The following CEP43 variants were observed in gnomAD, a reference collection of about 807,000 sequenced individuals.
CEP43 encodes the protein centrosomal protein 43, also known as FGFR1 oncogene partner.
In CEP43, 36 loss-of-function variants were observed where a neutral mutation model predicts 52.6. The ratio of observed to expected loss-of-function variants is 0.68; its 90% CI spans 0.52 to 0.90. The LOEUF (loss-of-function observed/expected upper bound fraction) is 0.90, where lower values mean the gene tolerates loss of function less well. Ranked by LOEUF, CEP43 falls within the 40% of genes least tolerant of loss-of-function variation. The pLI is 0.00. For synonymous variants in CEP43, 192 were observed against 172.4 expected, an observed-to-expected ratio of 1.11 and a Z score of -0.89; for missense variants, 506 against 472.8, an observed-to-expected ratio of 1.07 and a Z score of -0.65.
intron 7 of CEP43, among the ~76,000 whole-genome samples, chr6:167,013,789 C>T (rs1220479262): frequency 6.6e-6 from 1 of 152,182 alleles, no homozygotes; most frequent in Non-Finnish European, 1.5e-5. Context: ...TCCTGGCCAA[C>T]ATGGTGAAAC....
chr6:167,022,570 A>AGAT lies in CEP43; in HGVS notation c.745_747dup (p.Asp249dup), dbSNP rs1247301946. 1 of 1,614,056 alleles carries AGAT rather than the reference A, an allele frequency of 6.2e-7. No individual in the cohort carries two copies. Among genetic ancestry groups the AGAT allele is most frequent in the Non-Finnish European group, 8.5e-7 (1 of 1,180,022 alleles). On this transcript the variant is annotated inframe_insertion, in exon 8 of 13. Transcript: ENST00000366847. ...ACAAAGCTGGCCTTTGTCCAGATGAAGATGATATGGAAGGAGATTCTTTCT... is the reference window on the plus strand; with the variant it reads ...ACAAAGCTGGCCTTTGTCCAGATGAAGATGATGATATGGAAGGAGATTCTTTCT...
chr6:167,031,448 T>G (rs931420938), intron 10 of CEP43, among the ~76,000 whole-genome samples: 33 of 152,362 alleles, frequency 2.2e-4, no homozygotes, highest in Admixed American at 1.7e-3. Flanking sequence ...TCTTAGTCAT[T>G]GCTATACCTC....
In CEP43 at chr6:167,010,842, T is replaced by C; in HGVS notation, c.468T>C (p.Ser156=). 6.3e-7 allele frequency: 1 copy of C among 1,594,248 alleles called. No homozygotes were observed. Among genetic ancestry groups the C allele is most frequent in the Non-Finnish European group, 8.5e-7 (1 of 1,170,540 alleles). ...CACTTGATCTATCTGATGTACATTCTCCACCAAAGTCACCAGAGGGAAAAA... is the reference window on the plus strand; with the variant it reads ...CACTTGATCTATCTGATGTACATTCCCCACCAAAGTCACCAGAGGGAAAAA... The part of the protein sequence containing the change: ...EGALDLSDVH[S]PPKSPEGKTS... Residue 156 remains serine (S), a synonymous_variant, in exon 6 of 13, where the codon TCT becomes TCC. Transcript: ENST00000366847.
chr6:167,013,818 C>A (rs1172377601), intron 7 of CEP43, among the ~76,000 whole-genome samples: 1 of 152,128 alleles, frequency 6.6e-6, no homozygotes, highest in Admixed American at 6.5e-5. Context: ...TACTAAAATA[C>A]AAAAATTAGC....
At position 167,003,736 on chromosome 6, in the gene CEP43, T is replaced by G. The variant is rs1562522572; in HGVS notation, c.225T>G (p.Ala75=). The stretch of plus-strand genomic sequence containing the variant: ...TGATCTTTATAGGTCGTTTAGTGGC[T>G]AGTCTTGTTGCAGAATTTCTTCAGT... ...FLNTKDGRLV[A]SLVAEFLQFF... is the part of the protein sequence containing the mutation. The change falls in exon 4 of 13, where the codon GCT becomes GCG. Residue 75 remains alanine (A), a synonymous_variant. Coordinates refer to ENST00000366847, the MANE Select transcript of CEP43 (RefSeq NM_007045.4). The G allele has an allele frequency of 1.2e-6, 2 of 1,610,570 alleles. No homozygotes were observed. Among genetic ancestry groups the G allele is most frequent in the Non-Finnish European group, 1.7e-6 (2 of 1,177,516 alleles).
intron 11 of CEP43, 106 bp from the exon 12 acceptor site, chr6:167,033,769 A>C (rs1326599710): frequency 2.0e-6 from 1 of 510,976 alleles, no homozygotes; most frequent in Non-Finnish European, 3.4e-6. Context: ...TTAATATTAT[A>C]TTTTACTTAA....
At chr6:167,002,654 C>T (rs1459446254) in intron 2 of CEP43, among the ~76,000 whole-genome samples, 1 of 152,210 alleles carries the variant, frequency 6.6e-6, no homozygotes, top group East Asian at 1.9e-4. Context: ...CCATGTGCTA[C>T]CTACTGTAGC....
At chr6:167,004,480 A>G (rs1779807658) in intron 5 of CEP43, 79 bp downstream of exon 5, 1 of 1,230,318 alleles carries the variant, frequency 8.1e-7, no homozygotes. Context: ...GTGCATATAT[A>G]GTAAATTAAG....
chr6:167,019,315 CACACGGGTACACCTGCTGTGT>C (rs1780174016), intron 7 of CEP43, among the ~76,000 whole-genome samples: 4 of 150,316 alleles, frequency 2.7e-5, no homozygotes, highest in Admixed American at 2.7e-4. Context: ...ACCTGCTGTG[CACACGGGTACACCTGCTGTGT>C]ACATGGAGGA....
chr6:167,003,838 C>A, intron 4 of CEP43, 27 bp downstream of exon 4: 1 of 1,328,322 alleles, frequency 7.5e-7, no homozygotes, highest in Non-Finnish European at 1.1e-6. Context: ...TTACATCTAT[C>A]TTTTGAAACC....
Position 167,009,499 on chromosome 6 carries a change from CAAAAAAAAAAAAAAA to C in CEP43, c.439-1298_439-1284del, listed in dbSNP as rs139374939. Among the ~76,000 whole-genome samples the C allele has an allele frequency of 2.3e-4, 10 of 44,152 alleles. No homozygotes were observed. The South Asian group carries it at 3.8e-3, about 17-fold the overall frequency. 29.0% of individuals were successfully genotyped at this position (44,152 alleles called of 152,430 possible). The stretch of plus-strand genomic sequence containing the variant: ...CACTCCACAGAGCGAGACTCTGTCT[CAAAAAAAAAAAAAAA>C]AAAAAAAAAAAAAAATACAAGGAAT... On this transcript the variant is annotated intron_variant, in intron 5 of 12. Coordinates refer to ENST00000366847, the MANE Select transcript of CEP43 (RefSeq NM_007045.4).
At chr6:167,009,499 C>CAAAAAAA (rs139374939) in intron 5 of CEP43, among the ~76,000 whole-genome samples, 6 of 44,148 alleles carry the variant, frequency 1.4e-4, no homozygotes, top group African/African-American at 6.7e-4. Flanking sequence ...GACTCTGTCT[C>CAAAAAAA]AAAAAAAAAA....
At chr6:167,009,844 G>A (rs1299179155) in intron 5 of CEP43, among the ~76,000 whole-genome samples, 2 of 151,290 alleles carry the variant, frequency 1.3e-5, no homozygotes, top group African/African-American at 4.9e-5. Flanking sequence ...TCAAAAAAAA[G>A]AAAAATAAAA....
intron 10 of CEP43, among the ~76,000 whole-genome samples, chr6:167,030,357 C>T (rs1780441235): frequency 6.6e-6 from 1 of 152,210 alleles, no homozygotes; most frequent in Admixed American, 6.5e-5. Flanking sequence ...TTTTACTTAG[C>T]GCTTGCAAAC....
chr6:167,001,236 C>T (rs1779728922), intron 2 of CEP43, among the ~76,000 whole-genome samples: 1 of 152,254 alleles, frequency 6.6e-6, no homozygotes, highest in African/African-American at 2.4e-5. Flanking sequence ...AGAAGAGGCT[C>T]TGTCCTGTCC....
rs1289445848 is a variant in CEP43 at position 167,044,609 on chromosome 6, T to G, written c.*4631T>G. The G allele has an allele frequency of 1.1e-6, 1 of 880,788 alleles. No homozygotes were observed. Among genetic ancestry groups the G allele is most frequent in the Non-Finnish European group, 1.4e-6 (1 of 734,600 alleles). The allele number at this position is 880,788 out of a possible 1,614,324, so 54.6% of individuals were successfully genotyped here. Reference sequence around the variant, plus strand: ...GGACAGCGTTTTTGAATGTGAAATTTATTCCCTGATACATGTTTTTAAAAA... The same window carrying G: ...GGACAGCGTTTTTGAATGTGAAATTGATTCCCTGATACATGTTTTTAAAAA... On this transcript the variant is annotated 3_prime_UTR_variant, in exon 13 of 13. Coordinates refer to ENST00000366847, the MANE Select transcript of CEP43 (RefSeq NM_007045.4).
chr6:167,001,901 A>G (rs772328174), intron 2 of CEP43, among the ~76,000 whole-genome samples: 19 of 139,420 alleles, frequency 1.4e-4, no homozygotes, highest in Admixed American at 1.2e-3. Context: ...GGCTGTTTAT[A>G]GTACACATCT....
intron 1 of CEP43, 83 bp downstream of exon 1, chr6:166,999,597 G>T (rs918742132): frequency 9.6e-7 from 1 of 1,045,070 alleles, no homozygotes; most frequent in Non-Finnish European, 1.3e-6. Context: ...GCGGCGAGGA[G>T]GCCGCCTCCC....
In CEP43 at chr6:167,041,250, T is replaced by C; in HGVS notation, c.*1272T>C. On this transcript the variant is annotated 3_prime_UTR_variant, in exon 13 of 13. Coordinates refer to ENST00000366847, the MANE Select transcript of CEP43 (RefSeq NM_007045.4). The stretch of plus-strand genomic sequence containing the variant: ...TTAGCCTAAATATTACAGAAATTAC[T>C]CCTTGGGCTCTAAAATGTAGAGGAA... The C allele has an allele frequency of 9.5e-7, 1 of 1,048,258 alleles. No individual in the cohort carries two copies. The highest frequency in any genetic ancestry group is 1.2e-6 in the Non-Finnish European group (1 of 868,644). 64.9% of individuals were successfully genotyped at this position (1,048,258 alleles called of 1,614,324 possible). A position where few individuals can be genotyped will look rare whatever the true frequency, so the allele number is the denominator to read the frequency against.
Sources: gnomAD v4.1 joint callset for allele counts (sites outside exome capture counted in the v4.1 genomes callset) on GRCh38, gnomAD v4.1.1 for gene constraint, MANE v1.5 for transcripts, NCBI Gene and HGNC (gene_info 2026-07-23, HGNC 2026-07-21) for gene names.